Variants in WDR45B observed in about 807,000 individuals in gnomAD.
WDR45B encodes the protein WD repeat domain 45B, also known as WD repeat domain phosphoinositide-interacting protein 3.
Under a neutral mutation model 44.6 loss-of-function variants are expected in WDR45B, and 20 were observed. That is an observed-to-expected ratio of 0.45 (90% confidence interval 0.32 to 0.65). The LOEUF is 0.65. Among genes scored for constraint, WDR45B ranks in the 30% least tolerant of loss-of-function variants. The probability of loss-of-function intolerance (pLI) is 0.05; values close to 1 mark genes in which losing one functional copy is unlikely to be tolerated. For synonymous variants in WDR45B, 169 were observed against 164.9 expected (o/e 1.02, Z -0.19); for missense variants, 323 against 430.2 (o/e 0.75, Z 2.20).
intron 1 of WDR45B, among the ~76,000 whole-genome samples, chr17:82,645,803 T>C (rs2045968497): frequency 1.3e-5 from 2 of 152,174 alleles, no homozygotes. Flanking sequence ...AATTGTTGTA[T>C]GTCTGCACAA....
In WDR45B at chr17:82,614,832, A is replaced by AT. The variant is rs2045508446; in HGVS notation, c.*1086dup. ...TAGAGTTTAACGGGAATTTAAGAAA[A>AT]TTAAATATATATCCCAAGTAGCTGA... On this transcript the variant is annotated 3_prime_UTR_variant, in exon 10 of 10. Transcript: ENST00000392325. 1 of 152,238 alleles carries AT rather than the reference A, an allele frequency of 6.6e-6. No homozygotes were observed. 9.4% of individuals were successfully genotyped at this position (152,238 alleles called of 1,614,324 possible).
At chr17:82,627,782 C>T (rs1013953141) in intron 3 of WDR45B, among the ~76,000 whole-genome samples, 6 of 152,286 alleles carry the variant, frequency 3.9e-5, no homozygotes, top group African/African-American at 1.4e-4. Context: ...CAACCCTTGC[C>T]CTTGCCTGGT....
chr17:82,618,374 G>A (rs1290277148), intron 7 of WDR45B, among the ~76,000 whole-genome samples: 1 of 152,234 alleles, frequency 6.6e-6, no homozygotes, highest in African/African-American at 2.4e-5. Context: ...GGGCTGTAGG[G>A]ACACCACTGT....
At chr17:82,635,521 G>A (rs2045821758) in intron 2 of WDR45B, among the ~76,000 whole-genome samples, 1 of 150,756 alleles carries the variant, frequency 6.6e-6, no homozygotes, top group Non-Finnish European at 1.5e-5. Context: ...CACCTCCTGG[G>A]TTCAAGTGAT....
intron 6 of WDR45B, 104 bp downstream of exon 6, chr17:82,621,505 G>A (rs1295466706): frequency 6.8e-7 from 1 of 1,478,604 alleles, no homozygotes; most frequent in Non-Finnish European, 9.4e-7. Context: ...GCTCCAGGTT[G>A]GGGCAGGCCC....
At chr17:82,624,811 G>C (rs551480456) in intron 5 of WDR45B, among the ~76,000 whole-genome samples, 1 of 149,218 alleles carries the variant, frequency 6.7e-6, no homozygotes, top group Admixed American at 6.7e-5. Flanking sequence ...GTAGAGACAG[G>C]GTTTCACCGT....
intron 8 of WDR45B, 70 bp downstream of exon 8, chr17:82,617,226 C>A (rs114566258): frequency 1.4e-6 from 2 of 1,444,674 alleles, no homozygotes; most frequent in East Asian, 2.3e-5. Flanking sequence ...GGGCCTGTCC[C>A]GTCCACACTG....
intron 2 of WDR45B, among the ~76,000 whole-genome samples, chr17:82,640,688 G>A (rs1017932200): frequency 1.3e-5 from 2 of 152,134 alleles, no homozygotes; most frequent in Non-Finnish European, 2.9e-5. Context: ...AGATGAGTCT[G>A]TAAGTGCAGA....
At chr17:82,619,391 G>A (rs959452613) in intron 6 of WDR45B, among the ~76,000 whole-genome samples, 2 of 152,004 alleles carry the variant, frequency 1.3e-5, no homozygotes, top group Non-Finnish European at 2.9e-5. Flanking sequence ...GGGCAGGGTG[G>A]ACTGACCCTG....
chr17:82,618,918 T>C, intron 7 of WDR45B, 125 bp downstream of exon 7: 1 of 838,028 alleles, frequency 1.2e-6, no homozygotes, highest in African/African-American at 1.7e-5. Context: ...CAGCCCAAGC[T>C]TCTCCCTCCT....
intron 1 of WDR45B, among the ~76,000 whole-genome samples, chr17:82,646,508 A>C (rs1375809827): frequency 2.0e-5 from 3 of 147,344 alleles, no homozygotes; most frequent in African/African-American, 5.0e-5. Context: ...AAAAAAAAAA[A>C]AAAACCCAAA....
chr17:82,635,570 C>G (rs1029541839), intron 2 of WDR45B, among the ~76,000 whole-genome samples: 1 of 151,410 alleles, frequency 6.6e-6, no homozygotes, highest in Non-Finnish European at 1.5e-5. Flanking sequence ...GGATTACAGG[C>G]GCCCATCACA....
chr17:82,618,950 T>TG (rs775010549), intron 7 of WDR45B, 93 bp downstream of exon 7: 214 of 1,152,652 alleles, frequency 1.9e-4, no homozygotes, highest in Non-Finnish European at 2.8e-4. Context: ...CGGGGGAGGG[T>TG]GGCTGCTCCT....
intron 2 of WDR45B, among the ~76,000 whole-genome samples, chr17:82,633,269 G>A (rs1366942181): frequency 6.6e-6 from 1 of 152,042 alleles, no homozygotes; most frequent in East Asian, 1.9e-4. Flanking sequence ...CTATGGAACG[G>A]CAGAGCATAT....
chr17:82,614,861 T>C lies in WDR45B; in HGVS notation c.*1058A>G, dbSNP rs1007789557. ...AATATATATCCCAAGTAGCTGACAA[T>C]GTAGAGCCCATAACCTAGTTACCAA... is the stretch of plus-strand genomic sequence containing the variant. On this transcript the variant is annotated 3_prime_UTR_variant, in exon 10 of 10. Coordinates refer to ENST00000392325, the MANE Select transcript of WDR45B (RefSeq NM_019613.4). 1 of 152,178 alleles carries C rather than the reference T, an allele frequency of 6.6e-6. No individual in the cohort carries two copies. The highest frequency in any genetic ancestry group is 2.4e-5 in the African/African-American group (1 of 41,440). 9.4% of individuals were successfully genotyped at this position (152,178 alleles called of 1,614,324 possible).
At chr17:82,636,036 G>A (rs766371675) in intron 2 of WDR45B, among the ~76,000 whole-genome samples, 25 of 151,904 alleles carry the variant, frequency 1.6e-4, no homozygotes, top group Non-Finnish European at 1.0e-4. Context: ...GCGGTGAGCC[G>A]AGATCGCGTC....
intron 6 of WDR45B, among the ~76,000 whole-genome samples, chr17:82,620,712 C>T (rs1049161538): frequency 9.2e-5 from 14 of 152,186 alleles, no homozygotes; most frequent in African/African-American, 3.1e-4. Context: ...TCAATGAAAA[C>T]TATAGTACAA....
At chr17:82,626,009 A>C (rs2045692506) in intron 4 of WDR45B, 1 of 180,890 alleles carries the variant, frequency 5.5e-6, no homozygotes, top group Non-Finnish European at 1.2e-5. Flanking sequence ...CAGCCTCCTG[A>C]GTAGGTGGGA....
chr17:82,647,710 C>T (rs1201305282), intron 1 of WDR45B, among the ~76,000 whole-genome samples: 1 of 150,376 alleles, frequency 6.6e-6, no homozygotes, highest in Non-Finnish European at 1.5e-5. Context: ...GAGACCTGCA[C>T]CCCACCCGCG....
Sources: gnomAD v4.1 joint callset for allele counts (sites outside exome capture counted in the v4.1 genomes callset) on GRCh38, gnomAD v4.1.1 for gene constraint, MANE v1.5 for transcripts, NCBI Gene and HGNC (gene_info 2026-07-23, HGNC 2026-07-21) for gene names.